The following INPP5D variants were observed in gnomAD, a reference collection of about 807,000 sequenced individuals.
INPP5D encodes phosphatidylinositol 3,4,5-trisphosphate 5-phosphatase 1.
Under a neutral mutation model 122.9 loss-of-function variants are expected in INPP5D, and 33 were observed. The ratio of observed to expected loss-of-function variants is 0.27; its 90% CI spans 0.20 to 0.36. The LOEUF (loss-of-function observed/expected upper bound fraction) is 0.36, where lower values mean the gene tolerates loss of function less well. Ranked by LOEUF, INPP5D falls within the 10% of genes least tolerant of loss-of-function variation. The probability of loss-of-function intolerance (pLI) is 1.00; values close to 1 mark genes in which losing one functional copy is unlikely to be tolerated. For synonymous variants in INPP5D, 584 were observed against 576.2 expected, an observed-to-expected ratio of 1.01 and a Z score of -0.19; for missense variants, 1,053 against 1,412.7, an observed-to-expected ratio of 0.75 and a Z score of 4.08.
intron 9 of INPP5D, among the ~76,000 whole-genome samples, chr2:233,151,485 TG>T (rs1345805087): frequency 6.6e-6 from 1 of 152,064 alleles, no homozygotes; most frequent in Non-Finnish European, 1.5e-5. Context: ...TGGTGACACC[TG>T]TCACATCAGA....
intron 10 of INPP5D, 131 bp downstream of exon 10, chr2:233,158,550 G>C (rs1694116183): frequency 1.9e-6 from 1 of 539,832 alleles, no homozygotes; most frequent in Non-Finnish European, 3.3e-6. Flanking sequence ...TCACACCTGG[G>C]AAAGGTGAAC....
chr2:233,185,398 T>C (rs2106316059), intron 20 of INPP5D, among the ~76,000 whole-genome samples: 1 of 152,136 alleles, frequency 6.6e-6, no homozygotes. Context: ...AGGATTTTTG[T>C]GCGGGTGTTT....
chr2:233,091,112 G>T, intron 2 of INPP5D, among the ~76,000 whole-genome samples: 1 of 152,144 alleles, frequency 6.6e-6, no homozygotes, highest in East Asian at 1.9e-4. Context: ...CCTGCCCCAG[G>T]GTCTTGGCAC....
intron 1 of INPP5D, among the ~76,000 whole-genome samples, chr2:233,075,050 C>T (rs1691483276): frequency 6.6e-6 from 1 of 152,130 alleles, no homozygotes; most frequent in East Asian, 1.9e-4. Context: ...TGACCTGGTC[C>T]AGAAATGCTC....
intron 19 of INPP5D, among the ~76,000 whole-genome samples, chr2:233,182,730 T>C (rs186644533): frequency 1.7e-4 from 26 of 151,616 alleles, no homozygotes; most frequent in Middle Eastern, 6.8e-3. Flanking sequence ...AATTTTAGTC[T>C]GAAAACGTGG....
rs888871138 is a variant in INPP5D at position 233,197,469 on chromosome 2, A to AC, written c.2694-619dup. ...TCCCCTCCTTCCTGCCACCCAGGCT[A>AC]CCCCCCCACCATCTCTCTGCCCTGC... On this transcript the variant is annotated intron_variant, in intron 24 of 26. Coordinates refer to ENST00000445964, the MANE Select transcript of INPP5D (RefSeq NM_001017915.3). This position sits in a 1 kb window ranked among gnomAD's most constrained non-coding sequence, Gnocchi z 4.4. 4.0e-5 allele frequency among the ~76,000 whole-genome samples: 6 copies of AC among 150,420 alleles called. No homozygotes were observed. Among genetic ancestry groups the AC allele is most frequent in the East Asian group, 1.9e-4 (1 of 5,146 alleles).
chr2:233,192,586 A>G (rs945426845), intron 22 of INPP5D, among the ~76,000 whole-genome samples: 1 of 152,154 alleles, frequency 6.6e-6, no homozygotes, highest in African/African-American at 2.4e-5. Context: ...TGGCTGCATT[A>G]TATTCCATGG....
At chr2:233,132,153 C>T (rs1693345942) in intron 5 of INPP5D, among the ~76,000 whole-genome samples, 1 of 152,222 alleles carries the variant, frequency 6.6e-6, no homozygotes, top group African/African-American at 2.4e-5. Flanking sequence ...TAGGGGAAAA[C>T]ACATACAGCA....
chr2:233,108,552 C>A (rs1374413681), intron 2 of INPP5D, among the ~76,000 whole-genome samples: 1 of 152,172 alleles, frequency 6.6e-6, no homozygotes, highest in Admixed American at 6.5e-5. Flanking sequence ...TGAGGTCTTG[C>A]GATGTTGCCT....
At chr2:233,079,193 A>G (rs1691606289) in intron 1 of INPP5D, 142 bp from the exon 2 acceptor site, 3 of 634,408 alleles carry the variant, frequency 4.7e-6, no homozygotes, top group East Asian at 2.8e-5. Flanking sequence ...ACTCACCTCC[A>G]TCTTAAGAGA....
At chr2:233,200,961 A>AAAATAAATAAATAAAT (rs150813540) in intron 25 of INPP5D, among the ~76,000 whole-genome samples, 58 of 141,904 alleles carry the variant, frequency 4.1e-4, no homozygotes, top group Non-Finnish European at 4.6e-4. Context: ...ACTCCATCTC[A>AAAATAAATAAATAAAT]AAATAAATAA....
Position 233,157,768 on chromosome 2 carries a change from CAG to C in INPP5D, c.1031-542_1031-541del, listed in dbSNP as rs1318770125. ...CTAAGCATTTTTTTTTTTTAAGAAA[CAG>C]AGTAGAATTCCAAAAGAATCCATTA... On this transcript the variant is annotated intron_variant, in intron 9 of 26. Transcript: ENST00000445964. Among the ~76,000 whole-genome samples, 17 of 150,712 alleles carry C rather than the reference CAG, an allele frequency of 1.1e-4. No individual in the cohort carries two copies. In the East Asian group the frequency reaches 1.8e-3, roughly 16 times the overall value.
chr2:233,124,616 G>A (rs1015163689), intron 3 of INPP5D, among the ~76,000 whole-genome samples: 9 of 152,188 alleles, frequency 5.9e-5, no homozygotes, highest in African/African-American at 2.2e-4. Flanking sequence ...CACCTGAACA[G>A]CTGCCCCCAG....
chr2:233,181,282 G>A (rs768056588), intron 18 of INPP5D, among the ~76,000 whole-genome samples: 83 of 152,148 alleles, frequency 5.5e-4, no homozygotes, highest in Admixed American at 1.6e-3. Context: ...GTTGAAGGGT[G>A]GAGTGTTTAT....
At chr2:233,089,782 G>A (rs1208041879) in intron 2 of INPP5D, among the ~76,000 whole-genome samples, 1 of 152,214 alleles carries the variant, frequency 6.6e-6, no homozygotes. Flanking sequence ...TCCTTCATAG[G>A]ATGTTCGGTC....
Position 233,164,331 on chromosome 2 carries a change from A to T in INPP5D, c.1462A>T (p.Ile488Phe). 1 of 1,551,806 alleles carries T rather than the reference A, an allele frequency of 6.4e-7. No individual in the cohort carries two copies. Among genetic ancestry groups the T allele is most frequent in the Non-Finnish European group, 8.7e-7 (1 of 1,147,116 alleles). ...GGTCGCCATCCACACGCTCTGGAAC[A>T]TCCGCATCGTGGTGCTGGCCAAGCC... ...KTVAIHTLWN[I>F]RIVVLAKPEH... Residue 488 changes from isoleucine (I) to phenylalanine (F), a missense_variant, in exon 13 of 27, where the codon ATC becomes TTC. By Grantham distance (21) the Ile-to-Phe change is conservative. Transcript: ENST00000445964. This position sits in a 1 kb window ranked among gnomAD's most constrained non-coding sequence, Gnocchi z 4.3.
In INPP5D at chr2:233,060,497, C is replaced by A; in HGVS notation, c.19C>A (p.His7Asn). Residue 7 changes from histidine (H) to asparagine (N), a missense_variant, in exon 1 of 27, where the codon CAT becomes AAT. Coordinates refer to ENST00000445964, the MANE Select transcript of INPP5D (RefSeq NM_001017915.3). The stretch of plus-strand genomic sequence containing the variant: ...GCCCACCATGGTCCCCTGCTGGAAC[C>A]ATGGCAACATCACCCGCTCCAAGGC... Reference protein sequence around the residue: MVPCWNHGNITRSKAEE... With the variant: MVPCWNNGNITRSKAEE... 1 of 1,611,442 alleles carries A rather than the reference C, an allele frequency of 6.2e-7. No individual in the cohort carries two copies. Among genetic ancestry groups the A allele is most frequent in the East Asian group, 2.2e-5 (1 of 44,798 alleles).
chr2:233,071,036 G>A (rs1403093931), intron 1 of INPP5D, among the ~76,000 whole-genome samples: 1 of 152,082 alleles, frequency 6.6e-6, no homozygotes, highest in African/African-American at 2.4e-5. Context: ...CACTTTGGGA[G>A]GCCGAGGCGG....
At chr2:233,180,379 C>G (rs895832893) in intron 18 of INPP5D, among the ~76,000 whole-genome samples, 2 of 151,912 alleles carry the variant, frequency 1.3e-5, no homozygotes, top group African/African-American at 4.8e-5. Flanking sequence ...AAAAACCCTG[C>G]TCGTCAACCC....
Sources: allele counts gnomAD v4.1 joint callset (sites outside exome capture counted in the v4.1 genomes callset), GRCh38; gene constraint gnomAD v4.1.1; non-coding constraint Gnocchi (gnomAD v3.1); transcripts MANE v1.5; gene names NCBI Gene and HGNC (gene_info 2026-07-23, HGNC 2026-07-21).